The following LDLRAD3 variants were observed in gnomAD, a reference collection of about 807,000 sequenced individuals.
LDLRAD3 encodes the protein low density lipoprotein receptor class A domain containing 3, also known as low-density lipoprotein receptor class A domain-containing protein 3.
A neutral mutation model predicts 29.4 loss-of-function variants in LDLRAD3; 20 were observed. That is an observed-to-expected ratio of 0.68 (90% confidence interval 0.48 to 0.99). LDLRAD3 has a LOEUF of 0.99. Ranked by LOEUF, LDLRAD3 falls within the 50% of genes least tolerant of loss-of-function variation. The pLI, the probability that LDLRAD3 is intolerant of heterozygous loss-of-function variation, is 0.00. For missense variants in LDLRAD3, 420 were observed against 454.3 expected, an observed-to-expected ratio of 0.92 and a Z score of 0.69; for synonymous variants, 157 against 192.7, an observed-to-expected ratio of 0.81 and a Z score of 1.53.
chr11:36,008,128 T>A (rs1007340408), intron 1 of LDLRAD3, among the ~76,000 whole-genome samples: 17 of 152,280 alleles, frequency 1.1e-4, no homozygotes, highest in Admixed American at 6.5e-4. Context: ...GAATACCCAA[T>A]AAATGGTAGT....
chr11:35,973,907 T>G (rs1219358035), intron 1 of LDLRAD3, among the ~76,000 whole-genome samples: 1 of 152,232 alleles, frequency 6.6e-6, no homozygotes, highest in Non-Finnish European at 1.5e-5. Flanking sequence ...ATTTTGATCC[T>G]AGTCAGTGTC....
intron 4 of LDLRAD3, among the ~76,000 whole-genome samples, chr11:36,164,228 A>C (rs756103309): frequency 2.6e-5 from 4 of 152,164 alleles, no homozygotes; most frequent in Non-Finnish European, 4.4e-5. Flanking sequence ...GTCTTATGTG[A>C]AGCACATGGG....
intron 2 of LDLRAD3, among the ~76,000 whole-genome samples, chr11:36,069,130 T>C (rs768187681): frequency 1.4e-4 from 21 of 152,258 alleles, no homozygotes; most frequent in Non-Finnish European, 2.5e-4. Context: ...GCTGAACTGT[T>C]GCAACAAGCA....
At chr11:36,156,796 G>A (rs1854358533) in intron 4 of LDLRAD3, among the ~76,000 whole-genome samples, 1 of 152,086 alleles carries the variant, frequency 6.6e-6, no homozygotes, top group African/African-American at 2.4e-5. Context: ...CATTTGATTT[G>A]TAACATTTCA....
chr11:36,099,430 C>G (rs1853413291), intron 4 of LDLRAD3, among the ~76,000 whole-genome samples: 1 of 152,054 alleles, frequency 6.6e-6, no homozygotes, highest in East Asian at 1.9e-4. Context: ...TGTAATCTTT[C>G]CTATTTTCAC....
rs188410605 is a variant in LDLRAD3 at position 36,034,390 on chromosome 11, C to T, written c.47-1713C>T. ...AGTCGCAACTGTGGCAATGGAGAGT[C>T]GGGGACTGGCCACATATAGGGGTTG... On this transcript the variant is annotated intron_variant, in intron 1 of 5. Transcript: ENST00000315571. Among the ~76,000 whole-genome samples the T allele has an allele frequency of 4.5e-4, 68 of 152,038 alleles. No individual in the cohort carries two copies. In the East Asian group the frequency reaches 9.7e-3, roughly 22 times the overall value.
intron 4 of LDLRAD3, among the ~76,000 whole-genome samples, chr11:36,116,836 CTTTTTTTCTTT>C (rs1853681799): frequency 1.6e-5 from 2 of 121,436 alleles, no homozygotes; most frequent in Admixed American, 1.0e-4. Flanking sequence ...CTTTCTTTTT[CTTTTTTTCTTT>C]TTTTTTTTTT....
At chr11:36,000,909 C>A (rs930287462) in intron 1 of LDLRAD3, among the ~76,000 whole-genome samples, 2 of 151,906 alleles carry the variant, frequency 1.3e-5, no homozygotes, top group Non-Finnish European at 2.9e-5. Context: ...TTCAGAGGGT[C>A]CCCAGGGAAG....
intron 4 of LDLRAD3, among the ~76,000 whole-genome samples, chr11:36,184,400 C>T (rs1854815123): frequency 6.6e-6 from 1 of 152,162 alleles, no homozygotes; most frequent in African/African-American, 2.4e-5. Flanking sequence ...ATTTTAATAT[C>T]TGAAGTCTTT....
At chr11:36,141,194 AG>A (rs1464355304) in intron 4 of LDLRAD3, among the ~76,000 whole-genome samples, 1 of 152,204 alleles carries the variant, frequency 6.6e-6, no homozygotes, top group Admixed American at 6.5e-5. Context: ...AGCAATGCAA[AG>A]GCAGGATAAT....
At chr11:36,228,598 G>C (rs1855531525) in intron 5 of LDLRAD3, among the ~76,000 whole-genome samples, 1 of 152,212 alleles carries the variant, frequency 6.6e-6, no homozygotes, top group South Asian at 2.1e-4. Context: ...AAGGGGCATG[G>C]CAAAGTGCCT....
intron 2 of LDLRAD3, among the ~76,000 whole-genome samples, chr11:36,041,880 A>C (rs11033385): frequency 1.4e-5 from 1 of 71,134 alleles, no homozygotes; most frequent in African/African-American, 2.7e-5. Flanking sequence ...TGTTTGGTTG[A>C]GGGGGGTGTG....
chr11:36,129,613 C>T (rs764584614), intron 4 of LDLRAD3, among the ~76,000 whole-genome samples: 1 of 152,162 alleles, frequency 6.6e-6, no homozygotes, highest in Non-Finnish European at 1.5e-5. Context: ...TAGGTTGTTG[C>T]GTGGATTCCC....
intron 1 of LDLRAD3, among the ~76,000 whole-genome samples, chr11:36,012,783 G>T (rs1851972337): frequency 6.6e-6 from 1 of 152,096 alleles, no homozygotes; most frequent in South Asian, 2.1e-4. Flanking sequence ...TTGACTGAGG[G>T]TAACTGAAAC....
At chr11:36,111,403 G>A (rs532600425) in intron 4 of LDLRAD3, among the ~76,000 whole-genome samples, 5 of 152,126 alleles carry the variant, frequency 3.3e-5, no homozygotes, top group African/African-American at 9.6e-5. Context: ...ATTCAATCAG[G>A]TCAGTTATGT....
At chr11:35,986,754 C>G (rs145421589) in intron 1 of LDLRAD3, among the ~76,000 whole-genome samples, 3 of 152,358 alleles carry the variant, frequency 2.0e-5, no homozygotes, top group African/African-American at 7.2e-5. Flanking sequence ...TTGACCCAAA[C>G]TAGTCACGTG....
intron 4 of LDLRAD3, among the ~76,000 whole-genome samples, chr11:36,113,784 C>T (rs1050590030): frequency 6.6e-6 from 1 of 151,728 alleles, no homozygotes; most frequent in South Asian, 2.1e-4. Flanking sequence ...TGCGATTCTC[C>T]TGCCTCAACC....
chr11:35,981,025 G>C (rs1851534474), intron 1 of LDLRAD3, among the ~76,000 whole-genome samples: 2 of 152,108 alleles, frequency 1.3e-5, no homozygotes, highest in South Asian at 4.1e-4. Flanking sequence ...TTGGATTTTG[G>C]TTTTCAGATT....
intron 2 of LDLRAD3, among the ~76,000 whole-genome samples, chr11:36,077,900 C>A (rs1853042048): frequency 6.6e-6 from 1 of 152,126 alleles, no homozygotes; most frequent in South Asian, 2.1e-4. Context: ...TCAGTGAGTC[C>A]CTAGTTCTTG....
Sources: allele counts gnomAD v4.1 joint callset (sites outside exome capture counted in the v4.1 genomes callset), GRCh38; gene constraint gnomAD v4.1.1; transcripts MANE v1.5; gene names NCBI Gene and HGNC (gene_info 2026-07-23, HGNC 2026-07-21).